PRR16: variants seen among roughly 807,000 people sequenced by gnomAD.
PRR16 encodes the protein protein Largen.
A neutral mutation model predicts 18.2 loss-of-function variants in PRR16; 6 were observed. The observed-to-expected ratio is 0.33, with a 90% CI of 0.18 to 0.65. PRR16 has a LOEUF of 0.65. Ranked by LOEUF, PRR16 falls within the 30% of genes least tolerant of loss-of-function variation. The pLI, the probability that PRR16 is intolerant of heterozygous loss-of-function variation, is 0.74. For synonymous variants in PRR16, 151 were observed against 147.8 expected (o/e 1.02, Z -0.16); for missense variants, 412 against 376.6 (o/e 1.09, Z -0.78).
the PRR16 span, among the ~76,000 whole-genome samples, chr5:120,765,470 G>A: frequency 6.6e-6 from 1 of 151,986 alleles, no homozygotes; most frequent in Admixed American, 6.6e-5. Flanking sequence ...CTCTGGGGTA[G>A]TTTTTAGAGT....
intron 1 of PRR16, among the ~76,000 whole-genome samples, chr5:120,527,582 A>G (rs1751412857): frequency 6.6e-6 from 1 of 152,232 alleles, no homozygotes; most frequent in South Asian, 2.1e-4. Flanking sequence ...TATAGCTGTA[A>G]TAGTGTCTGA....
chr5:120,737,330 T>C, the PRR16 span, among the ~76,000 whole-genome samples: 86 of 132,024 alleles, frequency 6.5e-4, no homozygotes, highest in Non-Finnish European at 9.4e-4. Context: ...TTTTTTTTTT[T>C]TTTTTTTTAT....
intron 1 of PRR16, among the ~76,000 whole-genome samples, chr5:120,547,711 A>T (rs1175408842): frequency 2.0e-5 from 3 of 152,090 alleles, no homozygotes; most frequent in South Asian, 4.1e-4. Flanking sequence ...CTTATTTGAA[A>T]ATACTTAAAA....
Position 120,600,597 on chromosome 5 carries a change from G to A in PRR16, c.160-85357G>A, listed in dbSNP as rs565179246. On this transcript the variant is annotated intron_variant, in intron 1 of 1. Coordinates refer to ENST00000407149, the MANE Select transcript of PRR16 (RefSeq NM_001300783.2). ...TCTTTCAACTTTTATTGTAGGTTCAGGGGGTAAATATGGAGGTTTTTTATA... is the reference window on the plus strand; with the variant it reads ...TCTTTCAACTTTTATTGTAGGTTCAAGGGGTAAATATGGAGGTTTTTTATA... Among the ~76,000 whole-genome samples, 85 of 151,928 alleles carry A rather than the reference G, an allele frequency of 5.6e-4. 1 individual carries two copies. Among genetic ancestry groups the A allele is most frequent in the African/African-American group, 2.0e-3 (84 of 41,502 alleles).
chr5:120,697,361 CA>C, the PRR16 span, among the ~76,000 whole-genome samples: 1 of 152,194 alleles, frequency 6.6e-6, no homozygotes, highest in Non-Finnish European at 1.5e-5. Flanking sequence ...ATCTCCGTGT[CA>C]GACACGAAGA....
chr5:120,554,074 C>G (rs911401773), intron 1 of PRR16, among the ~76,000 whole-genome samples: 3 of 151,792 alleles, frequency 2.0e-5, no homozygotes, highest in Non-Finnish European at 4.4e-5. Flanking sequence ...GAATAGTAAA[C>G]ATACTGAAAT....
chr5:120,591,106 C>A (rs566492110), intron 1 of PRR16, among the ~76,000 whole-genome samples: 1 of 151,692 alleles, frequency 6.6e-6, no homozygotes, highest in African/African-American at 2.4e-5. Flanking sequence ...AGTGAAACAC[C>A]GTCTCTACTA....
chr5:120,589,349 T>C (rs972753501), intron 1 of PRR16, among the ~76,000 whole-genome samples: 2 of 152,150 alleles, frequency 1.3e-5, no homozygotes, highest in African/African-American at 4.8e-5. Context: ...TGCTTTCCAG[T>C]TGCCAGAATC....
the PRR16 span, among the ~76,000 whole-genome samples, chr5:120,748,387 T>C: frequency 6.6e-6 from 1 of 152,112 alleles, no homozygotes; most frequent in Admixed American, 6.5e-5. Flanking sequence ...ACACCATTTT[T>C]TTGCATGTAT....
Position 120,543,898 on chromosome 5 carries a change from G to A in PRR16, c.159+79253G>A, listed in dbSNP as rs192051824. ...GTCTCAGTTGCCTCATCTGTGAAAT[G>A]AAAAGTTTAGACTAAAAACCTCTAA... On this transcript the variant is annotated intron_variant, in intron 1 of 1. Transcript: ENST00000407149. Among the ~76,000 whole-genome samples, 449 of 152,242 alleles carry A rather than the reference G, an allele frequency of 2.9e-3. 2 individuals are homozygous for A. The highest frequency in any genetic ancestry group is 5.4e-3 in the Non-Finnish European group (369 of 68,006).
At chr5:120,582,017 G>A (rs958369737) in intron 1 of PRR16, among the ~76,000 whole-genome samples, 46 of 152,132 alleles carry the variant, frequency 3.0e-4, no homozygotes, top group African/African-American at 8.4e-4. Flanking sequence ...TATGTTTATC[G>A]CAGCACAATT....
chr5:120,635,275 T>C (rs1257530308), intron 1 of PRR16, among the ~76,000 whole-genome samples: 2 of 151,958 alleles, frequency 1.3e-5, no homozygotes, highest in Non-Finnish European at 2.9e-5. Context: ...ATGAAGCCAA[T>C]ATCACCCTAA....
intron 1 of PRR16, among the ~76,000 whole-genome samples, chr5:120,669,926 A>T (rs529108645): frequency 6.6e-6 from 1 of 152,084 alleles, no homozygotes; most frequent in African/African-American, 2.4e-5. Context: ...TATGAAGATA[A>T]ACAACGGCGT....
At chr5:120,606,814 G>T (rs1278675354) in intron 1 of PRR16, among the ~76,000 whole-genome samples, 1 of 152,066 alleles carries the variant, frequency 6.6e-6, no homozygotes, top group Non-Finnish European at 1.5e-5. Context: ...GGCTGAGGTG[G>T]TAGGATCACT....
chr5:120,665,437 G>A (rs1756336196), intron 1 of PRR16, among the ~76,000 whole-genome samples: 1 of 151,896 alleles, frequency 6.6e-6, no homozygotes, highest in Non-Finnish European at 1.5e-5. Flanking sequence ...AGTTTCTTTT[G>A]CTGTGCAGAA....
At chr5:120,487,433 G>A (rs528495131) in intron 1 of PRR16, among the ~76,000 whole-genome samples, 317 of 152,068 alleles carry the variant, frequency 2.1e-3, no homozygotes, top group Non-Finnish European at 3.0e-3. Context: ...TTCACTCATG[G>A]TTTGGCTCTC....
chr5:120,621,973 T>C (rs1004243156), intron 1 of PRR16, among the ~76,000 whole-genome samples: 3 of 152,200 alleles, frequency 2.0e-5, no homozygotes, highest in African/African-American at 7.2e-5. Context: ...TTCCATTTCA[T>C]GTCACCTTTT....
At chr5:120,703,338 C>T in the PRR16 span, among the ~76,000 whole-genome samples, 1 of 152,224 alleles carries the variant, frequency 6.6e-6, no homozygotes, top group Admixed American at 6.5e-5. Context: ...TCTCCAGTTA[C>T]TTCAGGCCAT....
At chr5:120,467,719 G>A (rs1749147744) in intron 1 of PRR16, among the ~76,000 whole-genome samples, 1 of 151,966 alleles carries the variant, frequency 6.6e-6, no homozygotes, top group African/African-American at 2.4e-5. Flanking sequence ...AGTTATAATT[G>A]GATTATATAT....
Sources: allele counts gnomAD v4.1 joint callset (sites outside exome capture counted in the v4.1 genomes callset), GRCh38; gene constraint gnomAD v4.1.1; transcripts MANE v1.5; gene names NCBI Gene and HGNC (gene_info 2026-07-23, HGNC 2026-07-21).